LBH: variants seen among roughly 807,000 people sequenced by gnomAD.
LBH encodes the protein LBH regulator of Wnt signaling pathway, also known as protein LBH.
A neutral mutation model predicts 12.5 loss-of-function variants in LBH; 7 were observed. That is an observed-to-expected ratio of 0.56 (90% CI 0.32 to 1.05). LBH has a LOEUF of 1.05. Among genes scored for constraint, LBH ranks in the 50% least tolerant of loss-of-function variants. LBH has a pLI of 0.04. For missense variants in LBH, 119 were observed against 138.9 expected (o/e 0.86, Z 0.72); for synonymous variants, 51 against 50.1 (o/e 1.02, Z -0.08).
chr2:30,252,473 T>C (rs780219606), intron 2 of LBH, among the ~76,000 whole-genome samples: 1 of 152,090 alleles, frequency 6.6e-6, no homozygotes, highest in South Asian at 2.1e-4. Flanking sequence ...CCATACTGGC[T>C]AACATGGTGA....
At chr2:30,236,012 C>T (rs1325538262) in intron 2 of LBH, among the ~76,000 whole-genome samples, 2 of 152,168 alleles carry the variant, frequency 1.3e-5, no homozygotes, top group Admixed American at 6.5e-5. Context: ...AGTTTCCTGG[C>T]CCACCAGCCA....
At chr2:30,252,390 C>T (rs1388172586) in intron 2 of LBH, among the ~76,000 whole-genome samples, 1 of 152,156 alleles carries the variant, frequency 6.6e-6, no homozygotes, top group South Asian at 2.1e-4. Flanking sequence ...AGGCCAGGTG[C>T]AGTGGCTCAT....
intron 2 of LBH, among the ~76,000 whole-genome samples, chr2:30,237,175 C>T (rs561037407): frequency 2.0e-4 from 30 of 152,282 alleles, no homozygotes; most frequent in South Asian, 1.5e-3. Flanking sequence ...AATAATAGTA[C>T]GTGGCTTTTA....
chr2:30,238,858 A>G (rs374528903), intron 2 of LBH, among the ~76,000 whole-genome samples: 48 of 135,990 alleles, frequency 3.5e-4, no homozygotes, highest in East Asian at 2.1e-3. Flanking sequence ...CCAAATAGCC[A>G]CCTTCTTTCT....
chr2:30,248,142 A>C (rs1176887295), intron 2 of LBH, among the ~76,000 whole-genome samples: 1 of 152,196 alleles, frequency 6.6e-6, no homozygotes, highest in Non-Finnish European at 1.5e-5. Flanking sequence ...TACCTCTAGG[A>C]ATATAGCCCT....
At chr2:30,251,748 T>C (rs903615383) in intron 2 of LBH, among the ~76,000 whole-genome samples, 2 of 152,072 alleles carry the variant, frequency 1.3e-5, no homozygotes, top group Non-Finnish European at 2.9e-5. Context: ...CAGAAATTTA[T>C]ATGTGATATA....
chr2:30,255,578 G>A (rs867401736), intron 2 of LBH, among the ~76,000 whole-genome samples: 7 of 152,140 alleles, frequency 4.6e-5, no homozygotes, highest in African/African-American at 7.2e-5. Context: ...ATAATCACTC[G>A]TTTGCAGGTA....
At position 30,235,435 on chromosome 2, in the gene LBH, T is replaced by C. The variant is rs572105390; in HGVS notation, c.129+928T>C. ...GGTCCGTGCTACAGACATGAAGGTA[T>C]GCCCACTGCACGCCAAGCACTCTAC... On this transcript the variant is annotated intron_variant, in intron 2 of 2. Coordinates refer to ENST00000395323, the MANE Select transcript of LBH (RefSeq NM_030915.4). Among the ~76,000 whole-genome samples, 19 of 152,226 alleles carry C rather than the reference T, an allele frequency of 1.2e-4. No homozygotes were observed. In the South Asian group the frequency reaches 2.9e-3, roughly 23 times the overall value.
intron 2 of LBH, 102 bp from the exon 3 acceptor site, chr2:30,257,331 T>C (rs532977244): frequency 9.9e-6 from 13 of 1,311,150 alleles, no homozygotes; most frequent in Non-Finnish European, 1.4e-5. Context: ...GTCCCTGGCC[T>C]ATGGCATGCA....
At chr2:30,250,871 T>C (rs1441649441) in intron 2 of LBH, among the ~76,000 whole-genome samples, 1 of 152,090 alleles carries the variant, frequency 6.6e-6, no homozygotes, top group African/African-American at 2.4e-5. Flanking sequence ...AGGAACATCC[T>C]GCTGCCTTCA....
At chr2:30,232,238 GGGT>G in intron 1 of LBH, 1 of 812,124 alleles carries the variant, frequency 1.2e-6, no homozygotes, top group Non-Finnish European at 2.0e-6. Flanking sequence ...AGCTCCGGGG[GGGT>G]GGGGGGCGGG....
chr2:30,259,500 C>T lies in LBH; in HGVS notation c.*1879C>T, dbSNP rs1331874175. On this transcript the variant is annotated 3_prime_UTR_variant, in exon 3 of 3. Coordinates refer to ENST00000395323, the MANE Select transcript of LBH (RefSeq NM_030915.4). ...TCCATACTCTCATTCCCTCGCCTCC[C>T]CTTGTGGACGGGGGTCTTGCCTTTT... The T allele has an allele frequency of 6.5e-6, 1 of 153,094 alleles. No individual in the cohort carries two copies. Among genetic ancestry groups the T allele is most frequent in the Admixed American group, 6.5e-5 (1 of 15,280 alleles). 9.5% of individuals were successfully genotyped at this position (153,094 alleles called of 1,614,324 possible). A position where few individuals can be genotyped will look rare whatever the true frequency, so the allele number is the denominator to read the frequency against.
intron 2 of LBH, among the ~76,000 whole-genome samples, chr2:30,255,999 C>T (rs556670225): frequency 6.6e-6 from 1 of 152,268 alleles, no homozygotes; most frequent in South Asian, 2.1e-4. Flanking sequence ...AAGAGATGGC[C>T]ATGAAGGTGC....
intron 1 of LBH, chr2:30,232,361 T>TG: frequency 9.2e-7 from 1 of 1,081,382 alleles, no homozygotes. Context: ...CGCACATTGG[T>TG]GGGGGCCGGG....
rs761935457 is a variant in LBH at position 30,234,392 on chromosome 2, G to C, written c.27-13G>C. 5.6e-6 allele frequency: 9 copies of C among 1,610,278 alleles called. No homozygotes were observed. Among genetic ancestry groups the C allele is most frequent in the Non-Finnish European group, 7.6e-6 (9 of 1,176,668 alleles). ...CGTGTGTTTGTTGACTTTTGGTCTG[G>C]GTTTCTTGGCAGCCCCGACTATCTG... On this transcript the variant is annotated splice_polypyrimidine_tract_variant and intron_variant, in intron 1 of 2. Transcript: ENST00000395323.
At chr2:30,234,558 C>A in intron 2 of LBH, 51 bp downstream of exon 2, 1 of 1,411,686 alleles carries the variant, frequency 7.1e-7, no homozygotes, top group Non-Finnish European at 1.0e-6. Flanking sequence ...GTGGTTTTTG[C>A]TGGGGGTGAG....
chr2:30,231,855 C>A, intron 1 of LBH, 91 bp downstream of exon 1: 1 of 1,175,024 alleles, frequency 8.5e-7, no homozygotes, highest in Non-Finnish European at 1.1e-6. Context: ...GGTGCGAGGG[C>A]AGCCGGCGGC....
At chr2:30,233,847 G>T (rs1353560407) in intron 1 of LBH, among the ~76,000 whole-genome samples, 3 of 152,176 alleles carry the variant, frequency 2.0e-5, no homozygotes, top group Non-Finnish European at 4.4e-5. Context: ...GACCCCTTGG[G>T]GCTTTAAGTG....
Position 30,257,779 on chromosome 2 carries a change from T to G in LBH, c.*158T>G. 1.8e-6 allele frequency: 1 copy of G among 555,458 alleles called. No homozygotes were observed. 34.4% of individuals were successfully genotyped at this position (555,458 alleles called of 1,614,324 possible). On this transcript the variant is annotated 3_prime_UTR_variant, in exon 3 of 3. Coordinates refer to ENST00000395323, the MANE Select transcript of LBH (RefSeq NM_030915.4). ...GCAGATCACCGAGTTGGTTTTCTTT[T>G]CTTTTCTTGCCTTTTTTTTTTTTTG...
Sources: gnomAD v4.1 joint callset for allele counts (sites outside exome capture counted in the v4.1 genomes callset) on GRCh38, gnomAD v4.1.1 for gene constraint, MANE v1.5 for transcripts, NCBI Gene and HGNC (gene_info 2026-07-23, HGNC 2026-07-21) for gene names.